Variants in MYO1B observed in about 807,000 individuals in gnomAD.
The protein encoded by MYO1B is unconventional myosin-Ib.
Under a neutral mutation model 159.7 loss-of-function variants are expected in MYO1B, and 72 were observed. The ratio of observed to expected loss-of-function variants is 0.45; its 90% CI spans 0.37 to 0.55. The LOEUF is 0.55. MYO1B is among the 20% of genes least tolerant of loss of function. The probability of loss-of-function intolerance (pLI) is 0.00; values close to 1 mark genes in which losing one functional copy is unlikely to be tolerated. For missense variants in MYO1B, 1,062 were observed against 1,364.8 expected (o/e 0.78, Z 3.50); for synonymous variants, 468 against 473.8 (o/e 0.99, Z 0.16).
chr2:191,337,447 T>A (rs1352175476), intron 4 of MYO1B, among the ~76,000 whole-genome samples: 1 of 152,196 alleles, frequency 6.6e-6, no homozygotes, highest in Non-Finnish European at 1.5e-5. Context: ...TTCCATTGTT[T>A]GTAGAAATTA....
chr2:191,270,700 G>T (rs183932769), intron 1 of MYO1B, among the ~76,000 whole-genome samples: 62 of 152,288 alleles, frequency 4.1e-4, no homozygotes, highest in African/African-American at 1.3e-3. Flanking sequence ...TTTTGCCTTT[G>T]TTTTGCCATC....
chr2:191,326,499 G>A (rs1449565214), intron 3 of MYO1B, among the ~76,000 whole-genome samples: 5 of 152,072 alleles, frequency 3.3e-5, no homozygotes, highest in Non-Finnish European at 7.4e-5. Context: ...AATTTTTCCA[G>A]TGCTTAAGTA....
intron 3 of MYO1B, among the ~76,000 whole-genome samples, chr2:191,329,453 A>G (rs965809798): frequency 6.6e-6 from 1 of 151,942 alleles, no homozygotes; most frequent in Non-Finnish European, 1.5e-5. Flanking sequence ...ACTTCAGTGT[A>G]TGGTCCTGAA....
intron 16 of MYO1B, 132 bp downstream of exon 16, chr2:191,386,216 A>G (rs957081241): frequency 2.7e-6 from 2 of 738,866 alleles, no homozygotes; most frequent in Admixed American, 5.4e-5. Context: ...GGTTGAATCG[A>G]TAAATGTTCA....
intron 3 of MYO1B, among the ~76,000 whole-genome samples, chr2:191,307,878 C>T (rs1463189122): frequency 6.6e-6 from 1 of 152,152 alleles, no homozygotes; most frequent in Non-Finnish European, 1.5e-5. Context: ...CTGCAGAGGG[C>T]ACGGTGGGGG....
At chr2:191,383,471 TATACACAC>T (rs1341155145) in intron 15 of MYO1B, 129 bp downstream of exon 15, 438 of 22,954 alleles carry the variant, frequency 0.019, 6 homozygotes, top group Non-Finnish European at 0.07. Context: ...TATATATATA[TATACACAC>T]ACACATATAT....
intron 3 of MYO1B, among the ~76,000 whole-genome samples, chr2:191,312,014 C>CTATGATTGA (rs1690031601): frequency 1.3e-5 from 2 of 152,184 alleles, no homozygotes; most frequent in Non-Finnish European, 2.9e-5. Context: ...TAATGTCATA[C>CTATGATTGA]TTTGTCTTAC....
chr2:191,411,186 G>T lies in MYO1B; in HGVS notation c.2873+14G>T, dbSNP rs1697229945. Reference sequence around the variant, plus strand: ...ATACCCATCTAGGTATTATGGCTTTGCTTTACCCATAAAATTCAGGATTAT... The same window carrying T: ...ATACCCATCTAGGTATTATGGCTTTTCTTTACCCATAAAATTCAGGATTAT... On this transcript the variant is annotated intron_variant, in intron 27 of 30. Transcript: ENST00000392318. 6.7e-7 allele frequency: 1 copy of T among 1,482,790 alleles called. No homozygotes were observed. The highest frequency in any genetic ancestry group is 1.4e-5 in the African/African-American group (1 of 70,010). The allele number at this position is 1,482,790 out of a possible 1,614,324, so 91.9% of individuals were successfully genotyped here. A position where few individuals can be genotyped will look rare whatever the true frequency, so the allele number is the denominator to read the frequency against.
chr2:191,374,087 T>C (rs1163562506), intron 13 of MYO1B, among the ~76,000 whole-genome samples: 1 of 152,176 alleles, frequency 6.6e-6, no homozygotes, highest in Non-Finnish European at 1.5e-5. Flanking sequence ...ATTATTCACA[T>C]ACATTCCCAG....
At chr2:191,271,518 TA>T (rs60687811) in intron 1 of MYO1B, among the ~76,000 whole-genome samples, 144,983 of 150,016 alleles carry the variant, frequency 0.97, 70,194 homozygotes, top group East Asian at 1. Flanking sequence ...TATTTAAATC[TA>T]AAAAAAAAAA....
chr2:191,409,842 C>G (rs1368728586), intron 26 of MYO1B, among the ~76,000 whole-genome samples: 1 of 152,106 alleles, frequency 6.6e-6, no homozygotes, highest in Non-Finnish European at 1.5e-5. Flanking sequence ...ATAACCTAGT[C>G]AGTTGATATG....
intron 3 of MYO1B, among the ~76,000 whole-genome samples, chr2:191,305,600 C>T (rs944528935): frequency 6.6e-6 from 1 of 152,154 alleles, no homozygotes; most frequent in Non-Finnish European, 1.5e-5. Flanking sequence ...ATGAATTTTC[C>T]CTTAAGGATT....
chr2:191,323,566 G>T (rs908967769), intron 3 of MYO1B, among the ~76,000 whole-genome samples: 2 of 152,126 alleles, frequency 1.3e-5, no homozygotes, highest in African/African-American at 4.8e-5. Context: ...GTGAAACGTG[G>T]TATATGTTGA....
intron 20 of MYO1B, among the ~76,000 whole-genome samples, chr2:191,393,778 A>T (rs971268873): frequency 3.9e-5 from 6 of 152,146 alleles, no homozygotes; most frequent in Non-Finnish European, 8.8e-5. Flanking sequence ...ATAATAAATA[A>T]TGTTTACCTA....
At chr2:191,354,575 AT>A (rs1245618525) in intron 7 of MYO1B, among the ~76,000 whole-genome samples, 1 of 152,066 alleles carries the variant, frequency 6.6e-6, no homozygotes, top group Non-Finnish European at 1.5e-5. Flanking sequence ...AAATGCTGTG[AT>A]TTGTCTATGT....
chr2:191,386,716 G>A (rs1695419635), intron 16 of MYO1B, among the ~76,000 whole-genome samples: 1 of 152,062 alleles, frequency 6.6e-6, no homozygotes, highest in South Asian at 2.1e-4. Context: ...AAAGTATATA[G>A]TACCTGAATT....
chr2:191,346,302 T>G lies in MYO1B; in HGVS notation c.498+20T>G, dbSNP rs1692560961. On this transcript the variant is annotated intron_variant, in intron 6 of 30. Coordinates refer to ENST00000392318, the MANE Select transcript of MYO1B (RefSeq NM_001130158.3). ...AGATTTGTAAGTATTTGTATAAGCA[T>G]AAGTGTTAACACTAATATTTAGCTC... 6.5e-7 allele frequency: 1 copy of G among 1,538,892 alleles called. No homozygotes were observed. Among genetic ancestry groups the G allele is most frequent in the East Asian group, 2.3e-5 (1 of 42,950 alleles).
intron 2 of MYO1B, among the ~76,000 whole-genome samples, chr2:191,289,191 C>T (rs962697208): frequency 6.6e-5 from 10 of 152,138 alleles, no homozygotes; most frequent in Non-Finnish European, 1.3e-4. Context: ...AACAGAGTAG[C>T]GCTTTATTAC....
intron 3 of MYO1B, among the ~76,000 whole-genome samples, chr2:191,314,385 G>C (rs1303853821): frequency 6.6e-6 from 1 of 152,040 alleles, no homozygotes; most frequent in Non-Finnish European, 1.5e-5. Flanking sequence ...TGTGATTATT[G>C]GTGATTATTT....
Sources: allele counts gnomAD v4.1 joint callset (sites outside exome capture counted in the v4.1 genomes callset), GRCh38; gene constraint gnomAD v4.1.1; transcripts MANE v1.5; gene names NCBI Gene and HGNC (gene_info 2026-07-23, HGNC 2026-07-21).